CALN1: variants seen among roughly 807,000 people sequenced by gnomAD.
CALN1 encodes calcium-binding protein 8.
A neutral mutation model predicts 30.6 loss-of-function variants in CALN1; 17 were observed. That is an observed-to-expected ratio of 0.56 (90% confidence interval 0.38 to 0.83). The LOEUF is 0.83. Among genes scored for constraint, CALN1 ranks in the 40% least tolerant of loss-of-function variants. CALN1 has a pLI of 0.00. For synonymous variants in CALN1, 156 were observed against 131.4 expected, an observed-to-expected ratio of 1.19 and a Z score of -1.28; for missense variants, 291 against 354.9, an observed-to-expected ratio of 0.82 and a Z score of 1.45.
Position 71,790,372 on chromosome 7 carries a change from GAAAGAA to G in CALN1, c.659-2476_659-2471del, listed in dbSNP as rs1554337117. ...AAAAGAAAGAAAGAAAGAAAGAAAA[GAAAGAA>G]AGAAAGAAAGAAAGAAAGAAAGAAA... On this transcript the variant is annotated intron_variant, in intron 6 of 6. Transcript: ENST00000395275. Among the ~76,000 whole-genome samples the G allele has an allele frequency of 6.5e-4, 17 of 26,008 alleles. No individual in the cohort carries two copies. The East Asian group carries it at 0.019, about 29-fold the overall frequency. The allele number at this position is 26,008 out of a possible 152,430, so 17.1% of individuals were successfully genotyped here. A position where few individuals can be genotyped will look rare whatever the true frequency, so the allele number is the denominator to read the frequency against.
At chr7:72,064,011 T>G (rs1021892561) in intron 4 of CALN1, among the ~76,000 whole-genome samples, 1 of 152,190 alleles carries the variant, frequency 6.6e-6, no homozygotes, top group African/African-American at 2.4e-5. Context: ...CGGTGGCTCA[T>G]GCCTGTAATC....
chr7:71,971,953 AAAAGAAAGAAAGAAAGAAAG>A (rs61083921), intron 5 of CALN1, among the ~76,000 whole-genome samples: 5 of 72,838 alleles, frequency 6.9e-5, no homozygotes, highest in South Asian at 7.1e-4. Context: ...AAAAAAAAAA[AAAAGAAAGAAAGAAAGAAAG>A]AAAGAAAGAA....
chr7:72,386,016 G>A (rs1805192450), intron 2 of CALN1, among the ~76,000 whole-genome samples: 2 of 152,146 alleles, frequency 1.3e-5, no homozygotes, highest in Admixed American at 1.3e-4. Context: ...AGTGAGAGAA[G>A]CCAGTTTGAA....
In CALN1 at chr7:72,369,357, T is replaced by TG. The variant is rs376563382; in HGVS notation, c.119+33893_119+33894insC. Among the ~76,000 whole-genome samples, 1,092 of 127,102 alleles carry TG rather than the reference T, an allele frequency of 8.6e-3. 20 individuals carry two copies. The highest frequency in any genetic ancestry group is 0.029 in the African/African-American group (1,026 of 35,114). The allele number at this position is 127,102 out of a possible 152,430, so 83.4% of individuals were successfully genotyped here. ...TTTATAAATATTATAAATATTTATT[T>TG]TTTTGTTGTTGTTGTTTGTTTTTGA... is the stretch of plus-strand genomic sequence containing the variant. On this transcript the variant is annotated intron_variant, in intron 2 of 6. Coordinates refer to ENST00000395275, the MANE Select transcript of CALN1 (RefSeq NM_031468.4).
In CALN1 at chr7:72,231,283, C is replaced by T. The variant is rs184583255; in HGVS notation, c.244+47403G>A. On this transcript the variant is annotated intron_variant, in intron 3 of 6. Coordinates refer to ENST00000395275, the MANE Select transcript of CALN1 (RefSeq NM_031468.4). ...TATTTTTCCTAATGCTCTCCCTCCC[C>T]CAACGCCCCTGTCCAACAGGCCCCA... Among the ~76,000 whole-genome samples, 3 of 152,294 alleles carry T rather than the reference C, an allele frequency of 2.0e-5. No homozygotes were observed. In the South Asian group the frequency reaches 6.2e-4, roughly 32 times the overall value.
intron 2 of CALN1, among the ~76,000 whole-genome samples, chr7:72,332,797 T>C (rs1305288113): frequency 3.9e-5 from 6 of 152,158 alleles, no homozygotes; most frequent in Non-Finnish European, 8.8e-5. Flanking sequence ...CTCTCCTGTT[T>C]GCCAAATTCA....
chr7:72,147,663 G>A (rs1786866886), intron 3 of CALN1, among the ~76,000 whole-genome samples: 1 of 151,908 alleles, frequency 6.6e-6, no homozygotes, highest in Non-Finnish European at 1.5e-5. Flanking sequence ...GTTTATTGTG[G>A]CACTATTCAC....
intron 4 of CALN1, among the ~76,000 whole-genome samples, chr7:72,031,406 A>C (rs1801427697): frequency 6.7e-6 from 1 of 150,318 alleles, no homozygotes; most frequent in Non-Finnish European, 1.5e-5. Flanking sequence ...TCAGGGCTTT[A>C]CATGTATTCC....
upstream of CALN1, chr7:72,412,501 T>C (rs944230209): frequency 6.6e-6 from 1 of 152,196 alleles, no homozygotes; most frequent in African/African-American, 2.4e-5. Flanking sequence ...TGCTGACTGG[T>C]GCATTTACAA....
chr7:71,835,098 C>T (rs917733636), intron 5 of CALN1, among the ~76,000 whole-genome samples: 2 of 152,186 alleles, frequency 1.3e-5, no homozygotes, highest in African/African-American at 4.8e-5. Flanking sequence ...CTTGCTCTCC[C>T]AATGTGCTGG....
intron 3 of CALN1, among the ~76,000 whole-genome samples, chr7:72,208,507 G>C (rs959160860): frequency 1.3e-5 from 2 of 152,208 alleles, no homozygotes; most frequent in African/African-American, 4.8e-5. Flanking sequence ...AAACCACATG[G>C]ATATGCCTGC....
At chr7:71,852,692 C>T (rs1198275973) in intron 5 of CALN1, among the ~76,000 whole-genome samples, 1 of 152,176 alleles carries the variant, frequency 6.6e-6, no homozygotes, top group Non-Finnish European at 1.5e-5. Context: ...CTGAGAATCT[C>T]ATTTACTCCA....
At chr7:72,406,904 C>T (rs1371689195) in intron 1 of CALN1, among the ~76,000 whole-genome samples, 1 of 152,174 alleles carries the variant, frequency 6.6e-6, no homozygotes, top group African/African-American at 2.4e-5. Flanking sequence ...ACATGAGCCA[C>T]CGCGCCAGCC....
At chr7:72,447,795 G>A (rs556512583), upstream of CALN1, among the ~76,000 whole-genome samples, 35 of 141,412 alleles carry the variant, frequency 2.5e-4, no homozygotes, top group African/African-American at 3.2e-4. Flanking sequence ...ATGCCTGCTC[G>A]TGTATATGCA....
At chr7:72,199,031 T>C (rs999850029) in intron 3 of CALN1, among the ~76,000 whole-genome samples, 4 of 152,122 alleles carry the variant, frequency 2.6e-5, no homozygotes, top group African/African-American at 7.2e-5. Flanking sequence ...TCCCAGCACG[T>C]TGGGAGGCAG....
At chr7:71,987,265 T>G (rs1469907732) in intron 5 of CALN1, among the ~76,000 whole-genome samples, 1 of 152,232 alleles carries the variant, frequency 6.6e-6, no homozygotes, top group Non-Finnish European at 1.5e-5. Flanking sequence ...GTGCTTTGAT[T>G]ATGTCACGAG....
chr7:72,168,295 A>T (rs1788673843), intron 3 of CALN1, among the ~76,000 whole-genome samples: 1 of 152,136 alleles, frequency 6.6e-6, no homozygotes, highest in East Asian at 1.9e-4. Flanking sequence ...TCACATAGAC[A>T]GTCCAACGAT....
At chr7:72,007,505 T>C (rs1191001889) in intron 5 of CALN1, among the ~76,000 whole-genome samples, 2 of 152,144 alleles carry the variant, frequency 1.3e-5, no homozygotes, top group African/African-American at 4.8e-5. Context: ...CTGGATCGCA[T>C]AACTGCACTC....
At chr7:72,109,406 T>C (rs1322565425) in intron 3 of CALN1, among the ~76,000 whole-genome samples, 1 of 152,128 alleles carries the variant, frequency 6.6e-6, no homozygotes, top group Non-Finnish European at 1.5e-5. Context: ...GTGGACATCG[T>C]TGAAGTGTTT....
Sources: allele counts gnomAD v4.1 joint callset (sites outside exome capture counted in the v4.1 genomes callset), GRCh38; gene constraint gnomAD v4.1.1; transcripts MANE v1.5; gene names NCBI Gene and HGNC (gene_info 2026-07-23, HGNC 2026-07-21).